Variants in PCDH15 observed in about 807,000 individuals in gnomAD.
PCDH15 encodes the protein protocadherin-15.
PCDH15 carries 129 observed loss-of-function variants against 178.5 expected under a neutral mutation model. The observed-to-expected ratio is 0.72, with a 90% CI of 0.63 to 0.84. PCDH15 has a LOEUF of 0.84. PCDH15 is among the 40% of genes least tolerant of loss of function. The pLI, the probability that PCDH15 is intolerant of heterozygous loss-of-function variation, is 0.00. For missense variants in PCDH15, 2,230 were observed against 2,099.9 expected (o/e 1.06, Z -1.21); for synonymous variants, 800 against 732.0 (o/e 1.09, Z -1.50).
At chr10:53,894,115 A>T (rs2081780862) in intron 26 of PCDH15, among the ~76,000 whole-genome samples, 1 of 152,228 alleles carries the variant, frequency 6.6e-6, no homozygotes, top group South Asian at 2.1e-4. Context: ...AGCCCAATAT[A>T]TAATGTCTTT....
intron 27 of PCDH15, among the ~76,000 whole-genome samples, chr10:53,858,466 C>T (rs1022180638): frequency 2.6e-5 from 4 of 152,102 alleles, no homozygotes; most frequent in African/African-American, 9.7e-5. Context: ...AGCTACTACT[C>T]ACCTCTAAGG....
rs1565171196 is a variant in PCDH15, at chr10:54,066,864, T to C, written c.2113A>G (p.Ile705Val). Residue 705 changes from isoleucine to valine, a missense_variant, in exon 18 of 38, where the codon ATA (isoleucine) becomes GTA (valine). Transcript: ENST00000644397. Reference protein sequence around the residue: ...PDGTSTATVNIVVTDVNDNAP... With the variant: ...PDGTSTATVNVVVTDVNDNAP... ...TTGTCATTGACATCTGTCACCACTA[T>C]GTTTACTGTGGCAGTTGAGGTCTTA... 5.0e-6 allele frequency: 8 copies of C among 1,613,420 alleles called. No homozygotes were observed. Among genetic ancestry groups the C allele is most frequent in the Non-Finnish European group, 6.8e-6 (8 of 1,179,568 alleles).
At chr10:54,969,566 C>T (rs1410460289) in intron 2 of PCDH15, among the ~76,000 whole-genome samples, 1 of 152,160 alleles carries the variant, frequency 6.6e-6, no homozygotes, top group African/African-American at 2.4e-5. Flanking sequence ...CTCTGCAAAT[C>T]TCATGGTCTG....
At position 54,272,662 on chromosome 10, in the gene PCDH15, A is replaced by G. The variant is rs193258503; in HGVS notation, c.877-35731T>C. 2.0e-5 allele frequency among the ~76,000 whole-genome samples: 3 copies of G among 152,258 alleles called. No individual in the cohort carries two copies. The East Asian group carries it at 5.8e-4, about 29-fold the overall frequency. On this transcript the variant is annotated intron_variant, in intron 8 of 37. Transcript: ENST00000644397. ...TTAAAAATGGGATCCGTTTTCTAAA[A>G]CTGAGCATACAGACACTTCATGAGA...
chr10:54,632,938 CAGAT>C (rs1411796989), intron 2 of PCDH15, among the ~76,000 whole-genome samples: 13 of 152,122 alleles, frequency 8.5e-5, no homozygotes, highest in African/African-American at 2.6e-4. Flanking sequence ...AGGTAAGAGA[CAGAT>C]AGCCTGAATT....
At position 55,013,534 on chromosome 10, in the gene PCDH15, C is replaced by T. The variant is rs1336689989; in HGVS notation, c.-79-116034G>A. Reference sequence around the variant, plus strand: ...AACTCAGAATATATCAGCAATCCTCCTCCCACTCCCTCTGCTTAGTAAACT... The same window carrying T: ...AACTCAGAATATATCAGCAATCCTCTTCCCACTCCCTCTGCTTAGTAAACT... On this transcript the variant is annotated intron_variant, in intron 2 of 5. Transcript: ENST00000458638. Among the ~76,000 whole-genome samples, 4 of 148,562 alleles carry T rather than the reference C, an allele frequency of 2.7e-5. No homozygotes were observed. The East Asian group carries it at 8.5e-4, about 32-fold the overall frequency.
rs139804445 is a variant in PCDH15 at position 55,146,729 on chromosome 10, T to C, written c.-80+19847A>G. 6.2e-4 allele frequency among the ~76,000 whole-genome samples: 94 copies of C among 152,054 alleles called. 2 individuals are homozygous for C. The East Asian group carries it at 0.016, about 25-fold the overall frequency. On this transcript the variant is annotated intron_variant, in intron 2 of 5. Transcript: ENST00000458638. Reference sequence around the variant, plus strand: ...GAAAGTATCATGGCCATTATTAAAATAGACATTTTGACAAAATTTACATTG... The same window carrying C: ...GAAAGTATCATGGCCATTATTAAAACAGACATTTTGACAAAATTTACATTG...
chr10:55,230,274 G>A (rs1025614662), intron 1 of PCDH15, among the ~76,000 whole-genome samples: 2 of 151,806 alleles, frequency 1.3e-5, no homozygotes, highest in African/African-American at 2.4e-5. Flanking sequence ...TTTGATTATT[G>A]CATAATTTAT....
At chr10:55,040,448 T>C (rs898422445) in intron 2 of PCDH15, among the ~76,000 whole-genome samples, 1 of 151,752 alleles carries the variant, frequency 6.6e-6, no homozygotes, top group Non-Finnish European at 1.5e-5. Context: ...AGTGAGTGAC[T>C]TGAGAGGCAG....
intron 2 of PCDH15, among the ~76,000 whole-genome samples, chr10:55,390,488 C>T (rs772130303): frequency 8.5e-5 from 13 of 152,156 alleles, no homozygotes; most frequent in Non-Finnish European, 1.6e-4. Flanking sequence ...AGTTGAACTT[C>T]TTTCAAAATT....
intron 2 of PCDH15, among the ~76,000 whole-genome samples, chr10:54,904,340 A>C (rs1408301920): frequency 6.6e-6 from 1 of 151,918 alleles, no homozygotes; most frequent in Non-Finnish European, 1.5e-5. Context: ...AGATTTTCAT[A>C]CTCCATCTAA....
intron 2 of PCDH15, among the ~76,000 whole-genome samples, chr10:55,060,722 T>C (rs1841408483): frequency 6.6e-6 from 1 of 152,080 alleles, no homozygotes; most frequent in South Asian, 2.1e-4. Context: ...AACGATTTTA[T>C]ATGCTAAGAA....
At chr10:54,685,031 AATT>A (rs2094969812) in intron 1 of PCDH15, among the ~76,000 whole-genome samples, 1 of 151,714 alleles carries the variant, frequency 6.6e-6, no homozygotes, top group Non-Finnish European at 1.5e-5. Context: ...CTATTTTAAA[AATT>A]ATTAATTTAA....
chr10:55,558,616 T>A (rs1434401119), intron 2 of PCDH15, among the ~76,000 whole-genome samples: 1 of 152,106 alleles, frequency 6.6e-6, no homozygotes, highest in Non-Finnish European at 1.5e-5. Context: ...ATTACAAAAG[T>A]ACTTATTTAT....
chr10:54,091,369 T>A (rs1346137221), intron 15 of PCDH15, among the ~76,000 whole-genome samples: 1 of 152,174 alleles, frequency 6.6e-6, no homozygotes, highest in Non-Finnish European at 1.5e-5. Context: ...GGAATAAGTA[T>A]GTGAGTTTCT....
At chr10:55,502,819 AT>A (rs1427555897) in intron 2 of PCDH15, among the ~76,000 whole-genome samples, 7 of 151,664 alleles carry the variant, frequency 4.6e-5, no homozygotes, top group Non-Finnish European at 7.4e-5. Flanking sequence ...CACACCAAAA[AT>A]TTATTTATAC....
intron 1 of PCDH15, among the ~76,000 whole-genome samples, chr10:54,748,018 G>A (rs1591422237): frequency 1.3e-5 from 2 of 152,098 alleles, no homozygotes; most frequent in South Asian, 4.1e-4. Context: ...TGTTAGCCAG[G>A]TTGGTCTCGA....
chr10:55,408,605 T>C (rs552534990), intron 2 of PCDH15, among the ~76,000 whole-genome samples: 1 of 152,256 alleles, frequency 6.6e-6, no homozygotes, highest in South Asian at 2.1e-4. Context: ...CAAAATCACA[T>C]TAAAATATTG....
At chr10:54,086,382 A>T (rs1006667227) in intron 16 of PCDH15, among the ~76,000 whole-genome samples, 5 of 152,138 alleles carry the variant, frequency 3.3e-5, no homozygotes, top group Non-Finnish European at 7.4e-5. Flanking sequence ...GACCCAAACA[A>T]ATCCCATTAG....
Sources: allele counts gnomAD v4.1 joint callset (sites outside exome capture counted in the v4.1 genomes callset), GRCh38; gene constraint gnomAD v4.1.1; transcripts MANE v1.5; gene names NCBI Gene and HGNC (gene_info 2026-07-23, HGNC 2026-07-21).